Variants in C10orf90 observed in about 807,000 individuals in gnomAD.
C10orf90 encodes the protein chromosome 10 open reading frame 90.
In C10orf90, 56 loss-of-function variants were observed where a neutral mutation model predicts 62.5. The ratio of observed to expected loss-of-function variants is 0.90; its 90% confidence interval spans 0.72 to 1.12. The LOEUF (loss-of-function observed/expected upper bound fraction) is 1.12. Among genes scored for constraint, C10orf90 ranks in the 50% most tolerant of loss-of-function variants. The probability of loss-of-function intolerance (pLI) is 0.00; values close to 1 mark genes in which losing one functional copy is unlikely to be tolerated. For synonymous variants in C10orf90, 386 were observed against 340.4 expected, an observed-to-expected ratio of 1.13 and a Z score of -1.47; for missense variants, 970 against 880.4, an observed-to-expected ratio of 1.10 and a Z score of -1.29.
intron 2 of C10orf90, among the ~76,000 whole-genome samples, chr10:126,517,079 A>G (rs1863476172): frequency 6.6e-6 from 1 of 152,180 alleles, no homozygotes; most frequent in Non-Finnish European, 1.5e-5. Flanking sequence ...TATAAGTTCC[A>G]GGGATTAAGA....
intron 2 of C10orf90, among the ~76,000 whole-genome samples, chr10:126,631,777 A>T (rs1845854872): frequency 1.3e-5 from 2 of 151,766 alleles, no homozygotes; most frequent in Admixed American, 1.3e-4. Flanking sequence ...AGGCAGCATA[A>T]ACACCAAGAC....
chr10:126,669,735 T>C (rs932688672), intron 1 of C10orf90, among the ~76,000 whole-genome samples: 4 of 151,938 alleles, frequency 2.6e-5, no homozygotes, highest in African/African-American at 9.7e-5. Context: ...TTGTCTCTGC[T>C]TGAAAATTAG....
chr10:126,597,152 A>G (rs1845103552), intron 2 of C10orf90, among the ~76,000 whole-genome samples: 1 of 152,228 alleles, frequency 6.6e-6, no homozygotes, highest in Non-Finnish European at 1.5e-5. Flanking sequence ...GCAATTTCTT[A>G]TAAAGTTAAA....
In C10orf90 at chr10:126,425,403, A is replaced by G. The variant is rs1857210000; in HGVS notation, c.*461T>C. On this transcript the variant is annotated 3_prime_UTR_variant, in exon 10 of 10. Coordinates refer to ENST00000488181, the MANE Select transcript of C10orf90 (RefSeq NM_001350921.2). Reference sequence around the variant, plus strand: ...TTCAGAAAGGTTTCAAATATACTATATGATGACCCACATTTTGGCATTTGC... The same window carrying G: ...TTCAGAAAGGTTTCAAATATACTATGTGATGACCCACATTTTGGCATTTGC... The G allele has an allele frequency of 5.8e-6, 1 of 172,550 alleles. No homozygotes were observed. The highest frequency in any genetic ancestry group is 5.7e-5 in the Admixed American group (1 of 17,608). The allele number at this position is 172,550 out of a possible 1,614,324, so 10.7% of individuals were successfully genotyped here.
intron 4 of C10orf90, chr10:126,502,947 A>G (rs972242992): frequency 6.3e-6 from 2 of 318,968 alleles, no homozygotes; most frequent in South Asian, 5.7e-5. Flanking sequence ...AAAATTAATT[A>G]CATCATTTAA....
chr10:126,501,720 G>A (rs1478853131), intron 4 of C10orf90, among the ~76,000 whole-genome samples: 1 of 152,080 alleles, frequency 6.6e-6, no homozygotes, highest in Non-Finnish European at 1.5e-5. Flanking sequence ...ATACACCATG[G>A]ACTACTACTA....
intron 4 of C10orf90, among the ~76,000 whole-genome samples, chr10:126,473,827 C>A (rs1211589517): frequency 2.6e-5 from 4 of 152,016 alleles, no homozygotes; most frequent in Non-Finnish European, 5.9e-5. Flanking sequence ...TTGCTGGGCC[C>A]ACTCTGGGGT....
At chr10:126,432,370 C>T (rs1309302533) in intron 7 of C10orf90, among the ~76,000 whole-genome samples, 2 of 152,204 alleles carry the variant, frequency 1.3e-5, no homozygotes, top group African/African-American at 4.8e-5. Flanking sequence ...CTTCCTTCTA[C>T]ATTTAACGAG....
chr10:126,427,661 C>T (rs11244984), intron 8 of C10orf90, among the ~76,000 whole-genome samples: 26,366 of 152,182 alleles, frequency 0.17, 2,510 homozygotes, highest in South Asian at 0.23. Flanking sequence ...GCCCCTCCTG[C>T]CGTTGGACAT....
chr10:126,547,488 T>C (rs1347215388), intron 2 of C10orf90, among the ~76,000 whole-genome samples: 1 of 137,234 alleles, frequency 7.3e-6, no homozygotes, highest in Non-Finnish European at 1.6e-5. Context: ...AGAAACATCT[T>C]TAACTGAGTG....
intron 7 of C10orf90, among the ~76,000 whole-genome samples, chr10:126,439,407 A>G (rs1472705229): frequency 6.6e-6 from 1 of 152,208 alleles, no homozygotes; most frequent in Non-Finnish European, 1.5e-5. Flanking sequence ...CAAAACAGAA[A>G]AACAACAAGA....
intron 2 of C10orf90, among the ~76,000 whole-genome samples, chr10:126,576,709 ATATATACAAG>A (rs1844625654): frequency 2.5e-5 from 1 of 39,826 alleles, no homozygotes; most frequent in Non-Finnish European, 5.4e-5. Context: ...GTATATGTAT[ATATATACAAG>A]ATATACATAT....
intron 4 of C10orf90, among the ~76,000 whole-genome samples, chr10:126,479,413 A>G (rs1358262676): frequency 9.9e-5 from 15 of 152,238 alleles, no homozygotes; most frequent in Admixed American, 9.8e-4. Context: ...TCCAAATGGC[A>G]TGGGATTTCT....
chr10:126,610,347 C>G (rs560597192), intron 2 of C10orf90, among the ~76,000 whole-genome samples: 1 of 152,368 alleles, frequency 6.6e-6, no homozygotes, highest in East Asian at 1.9e-4. Context: ...CTGGCCTCCC[C>G]TGTCCACCTC....
At chr10:126,638,429 C>T (rs145838390) in intron 2 of C10orf90, among the ~76,000 whole-genome samples, 132 of 152,246 alleles carry the variant, frequency 8.7e-4, no homozygotes, top group African/African-American at 2.9e-3. Context: ...TCCACACTTG[C>T]CTCTCACCAT....
intron 4 of C10orf90, among the ~76,000 whole-genome samples, chr10:126,478,335 G>A (rs1812375827): frequency 6.6e-6 from 1 of 152,190 alleles, no homozygotes; most frequent in Non-Finnish European, 1.5e-5. Context: ...ATCACAGGCT[G>A]ATCGCCATCC....
intron 2 of C10orf90, among the ~76,000 whole-genome samples, chr10:126,558,246 C>T (rs1368959423): frequency 1.3e-5 from 2 of 152,180 alleles, no homozygotes; most frequent in Non-Finnish European, 2.9e-5. Context: ...GACCAGCCTC[C>T]AGCCTCATTG....
chr10:126,554,838 T>C (rs1277595511), intron 2 of C10orf90, among the ~76,000 whole-genome samples: 1 of 152,216 alleles, frequency 6.6e-6, no homozygotes, highest in East Asian at 1.9e-4. Context: ...GCAAAATGTA[T>C]AGCACAATCA....
intron 2 of C10orf90, among the ~76,000 whole-genome samples, chr10:126,547,526 C>T (rs1485426382): frequency 1.4e-5 from 2 of 145,396 alleles, no homozygotes; most frequent in South Asian, 2.2e-4. Flanking sequence ...CAATAGATGC[C>T]GACACTGAGA....
Sources: allele counts gnomAD v4.1 joint callset (sites outside exome capture counted in the v4.1 genomes callset), GRCh38; gene constraint gnomAD v4.1.1; transcripts MANE v1.5; gene names NCBI Gene and HGNC (gene_info 2026-07-23, HGNC 2026-07-21).